The following SPRY3 variants were observed in gnomAD, a reference collection of about 807,000 sequenced individuals.
The protein encoded by SPRY3 is sprouty RTK signaling antagonist 3.
SPRY3 carries 15 observed loss-of-function variants against 20.2 expected under a neutral mutation model. The observed-to-expected ratio is 0.74, with a 90% confidence interval of 0.50 to 1.14. The LOEUF is 1.14. Ranked by LOEUF, SPRY3 falls within the 50% of genes most tolerant of loss-of-function variation. The pLI is 0.00. For missense variants in SPRY3, 364 were observed against 363.9 expected (o/e 1.00, Z 0.00); for synonymous variants, 143 against 136.5 (o/e 1.05, Z -0.33).
chrX:155,669,765 T>C (rs2068034686), intron 2 of SPRY3: 1 of 111,094 alleles, frequency 9.0e-6, no homozygotes, highest in Non-Finnish European at 1.9e-5. Flanking sequence ...TACCTTAGAA[T>C]TGGAAGGAAA....
rs374281461 is a variant in SPRY3, at chrX:155,633,368, G to A, written c.-441+20721G>A. On this transcript the variant is annotated intron_variant, in intron 1 of 3. Transcript: ENST00000675360. ...ATCCTGGCTAACAAGGTGAAACCCC[G>A]TCTCTACTAAAAAAAAAAAAAAAAA... is the stretch of plus-strand genomic sequence containing the variant. 4.4e-4 allele frequency among the ~76,000 whole-genome samples: 31 copies of A among 70,120 alleles called. 1 individual carries two copies. The South Asian group carries it at 0.019, about 42-fold the overall frequency. 60.9% of individuals were successfully genotyped at this position (70,120 alleles called of 115,157 possible). A position where few individuals can be genotyped will look rare whatever the true frequency, so the allele number is the denominator to read the frequency against.
At chrX:155,705,663 T>G (rs1184012257) in intron 2 of SPRY3, among the ~76,000 whole-genome samples, 1 of 150,710 alleles carries the variant, frequency 6.6e-6, no homozygotes, top group Admixed American at 6.6e-5. Flanking sequence ...AGTAAAAGAG[T>G]GGAGAAATAC....
chrX:155,756,488 T>C (rs2091283850), intron 2 of SPRY3, among the ~76,000 whole-genome samples: 1 of 152,060 alleles, frequency 6.6e-6, no homozygotes, highest in Non-Finnish European at 1.5e-5. Flanking sequence ...ACAGGCCATA[T>C]ATAAAGATAT....
intron 2 of SPRY3, among the ~76,000 whole-genome samples, chrX:155,716,002 C>T (rs2091019733): frequency 6.6e-6 from 1 of 152,146 alleles, no homozygotes. Context: ...ATGCCTCTTT[C>T]CATAATAAGA....
chrX:155,780,279 C>T (rs940868364), downstream of SPRY3: 1 of 166,986 alleles, frequency 6.0e-6, no homozygotes, highest in African/African-American at 2.4e-5. Context: ...GCTCCCAGGT[C>T]CTTGAAGAAC....
intron 2 of SPRY3, among the ~76,000 whole-genome samples, chrX:155,666,469 T>G (rs1195010782): frequency 1.8e-5 from 2 of 110,220 alleles, no homozygotes; most frequent in Non-Finnish European, 3.8e-5. Context: ...TATAGGCCAG[T>G]TAGGAGCTAT....
At chrX:155,750,070 C>T (rs907026782) in intron 2 of SPRY3, among the ~76,000 whole-genome samples, 3 of 151,788 alleles carry the variant, frequency 2.0e-5, no homozygotes, top group African/African-American at 7.3e-5. Flanking sequence ...CACCAGAATA[C>T]ATATACACCA....
intron 2 of SPRY3, among the ~76,000 whole-genome samples, chrX:155,660,721 C>G (rs1321372850): frequency 9.2e-6 from 1 of 108,889 alleles, no homozygotes; most frequent in African/African-American, 3.3e-5. Flanking sequence ...GCATATCTAT[C>G]TAGGATTGTC....
intron 2 of SPRY3, chrX:155,767,739 AGAGGAGGAGGAG>A (rs763030764): frequency 2.1e-5 from 1 of 48,648 alleles, no homozygotes. Context: ...AGGAGGAGAG[AGAGGAGGAGGAG>A]GAGAGAGAGG....
chrX:155,659,107 C>T (rs868965192), intron 2 of SPRY3, among the ~76,000 whole-genome samples: 2 of 65,467 alleles, frequency 3.1e-5, no homozygotes, highest in African/African-American at 1.4e-4. Context: ...TTTCTTTCTT[C>T]TTTCTTTCTT....
At chrX:155,774,620 A>G (rs2091410343) in exon 4 of SPRY3, 1 of 1,613,874 alleles carries the variant, frequency 6.2e-7, no homozygotes, top group Non-Finnish European at 8.5e-7. Context: ...CTGTGCCAAC[A>G]GGGCTATGAT....
intron 1 of SPRY3, among the ~76,000 whole-genome samples, chrX:155,634,893 A>G (rs1270023606): frequency 9.3e-6 from 1 of 107,562 alleles, no homozygotes; most frequent in Non-Finnish European, 1.9e-5. Flanking sequence ...TATATAGTAT[A>G]TGTATAAAGT....
chrX:155,692,855 C>T (rs1433391971), intron 2 of SPRY3, among the ~76,000 whole-genome samples: 1 of 111,712 alleles, frequency 9.0e-6, no homozygotes, highest in African/African-American at 3.2e-5. Context: ...CTTTTAATGA[C>T]TTAATGATAT....
At chrX:155,736,875 A>G (rs1040870135) in intron 2 of SPRY3, among the ~76,000 whole-genome samples, 1 of 151,668 alleles carries the variant, frequency 6.6e-6, no homozygotes, top group Non-Finnish European at 1.5e-5. Flanking sequence ...TGAATATTCT[A>G]TTTTTTCACT....
rs1415286531 is a variant in SPRY3, at chrX:155,629,848, C to A, written c.-441+17201C>A. Among the ~76,000 whole-genome samples the A allele has an allele frequency of 2.7e-5, 3 of 111,933 alleles. No individual in the cohort carries two copies. In the Admixed American group the frequency reaches 2.9e-4, roughly 11 times the overall value. On this transcript the variant is annotated intron_variant, in intron 1 of 3. Transcript: ENST00000675360. ...TAGATACATAGTTTGCAAATATTTTCTCTCATTCTCTCCACTCTGTTTATT... is the reference window on the plus strand; with the variant it reads ...TAGATACATAGTTTGCAAATATTTTATCTCATTCTCTCCACTCTGTTTATT...
At chrX:155,667,951 T>C (rs1557354455) in intron 2 of SPRY3, among the ~76,000 whole-genome samples, 2 of 111,076 alleles carry the variant, frequency 1.8e-5, no homozygotes, top group African/African-American at 3.3e-5. Context: ...AATTAAACAA[T>C]AGACTCCAAG....
intron 1 of SPRY3, among the ~76,000 whole-genome samples, chrX:155,653,622 A>C (rs1557352686): frequency 8.9e-6 from 1 of 111,878 alleles, no homozygotes; most frequent in Non-Finnish European, 1.9e-5. Flanking sequence ...GTCTATCCTT[A>C]TGCTAGTGCC....
At chrX:155,758,582 C>A (rs1372529862) in intron 2 of SPRY3, among the ~76,000 whole-genome samples, 1 of 152,110 alleles carries the variant, frequency 6.6e-6, no homozygotes, top group African/African-American at 2.4e-5. Context: ...CTAAAGAGCT[C>A]CTGCTGACTT....
At chrX:155,714,144 T>C (rs2091005632) in intron 2 of SPRY3, among the ~76,000 whole-genome samples, 1 of 152,326 alleles carries the variant, frequency 6.6e-6, no homozygotes, top group Admixed American at 6.5e-5. Context: ...AAAACAGCTA[T>C]TTTGAATTCT....
Sources: gnomAD v4.1 joint callset for allele counts (sites outside exome capture counted in the v4.1 genomes callset) on GRCh38, gnomAD v4.1.1 for gene constraint, MANE v1.5 for transcripts, NCBI Gene and HGNC (gene_info 2026-07-23, HGNC 2026-07-21) for gene names.